The following GMIP variants were observed in gnomAD, a reference collection of about 807,000 sequenced individuals.
GMIP encodes the protein GEM-interacting protein.
In GMIP, 54 loss-of-function variants were observed where a neutral mutation model predicts 105.3. That is an observed-to-expected ratio of 0.51 (90% CI 0.41 to 0.64). GMIP has a LOEUF of 0.64. GMIP is among the 30% of genes least tolerant of loss of function. The pLI, the probability that GMIP is intolerant of heterozygous loss-of-function variation, is 0.00. For missense variants in GMIP, 1,110 were observed against 1,319.4 expected (o/e 0.84, Z 2.46); for synonymous variants, 541 against 560.8 (o/e 0.96, Z 0.50).
chr19:19,643,520 C>T lies in GMIP; in HGVS notation c.10G>A (p.Ala4Thr), dbSNP rs1390948756. MDAAEPGLPPGPEG... is the reference protein window; with the variant it reads MDATEPGLPPGPEG... ...ATCCCCGACCCCCTACCCGGCTCTG[C>T]TGCGTCCATATCTGGGCCCGGGGAT... Residue 4 changes from alanine (A) to threonine (T), a missense_variant, in exon 1 of 21, where the codon GCA becomes ACA. Coordinates refer to ENST00000203556, the MANE Select transcript of GMIP (RefSeq NM_016573.4). 1 of 1,548,596 alleles carries T rather than the reference C, an allele frequency of 6.5e-7. No individual in the cohort carries two copies. Among genetic ancestry groups the T allele is most frequent in the Non-Finnish European group, 8.7e-7 (1 of 1,145,788 alleles).
rs1568408546 is a variant in GMIP, at chr19:19,629,700, CCT to C, written c.*261_*262del. On this transcript the variant is annotated 3_prime_UTR_variant, in exon 21 of 21. Transcript: ENST00000203556. ...ACCTGCACTGACCCTGAGTATTGAC[CCT>C]GAGTGACCTCTGAGCCCGAGTGGCC... The C allele has an allele frequency of 1.9e-6, 1 of 516,876 alleles. No individual in the cohort carries two copies. Among genetic ancestry groups the C allele is most frequent in the Non-Finnish European group, 3.4e-6 (1 of 292,398 alleles). The allele number at this position is 516,876 out of a possible 1,614,324, so 32.0% of individuals were successfully genotyped here.
chr19:19,634,724 G>C lies in GMIP; in HGVS notation c.1888-21C>G. ...GTGAGCTGGGGGTGGAACGGAGGGC[G>C]CAACACGAGTGTGGGTGGGCTGTGG... is the stretch of plus-strand genomic sequence containing the variant. On this transcript the variant is annotated intron_variant, in intron 17 of 20. Transcript: ENST00000203556. This position sits in a 1 kb window ranked among gnomAD's most constrained non-coding sequence, Gnocchi z 6.1. 3 of 1,608,308 alleles carry C rather than the reference G, an allele frequency of 1.9e-6. No homozygotes were observed. The highest frequency in any genetic ancestry group is 1.7e-4 in the Middle Eastern group (1 of 6,032).
chr19:19,634,306 G>T lies in GMIP; in HGVS notation c.2085-116C>A. 2 of 1,170,608 alleles carry T rather than the reference G, an allele frequency of 1.7e-6. No individual in the cohort carries two copies. Among genetic ancestry groups the T allele is most frequent in the Non-Finnish European group, 2.4e-6 (2 of 846,000 alleles). 72.5% of individuals were successfully genotyped at this position (1,170,608 alleles called of 1,614,324 possible). On this transcript the variant is annotated intron_variant, in intron 18 of 20. Transcript: ENST00000203556. The surrounding 1 kb of genome is among the most constrained non-coding windows in gnomAD (Gnocchi z 6.1). Reference sequence around the variant, plus strand: ...TGACTTGCCCATGTCACAGGTGTAAGTCGTCTGAGACCAGCAGCCACATAT... The same window carrying T: ...TGACTTGCCCATGTCACAGGTGTAATTCGTCTGAGACCAGCAGCCACATAT...
intron 7 of GMIP, among the ~76,000 whole-genome samples, chr19:19,639,091 T>TA (rs1180527124): frequency 6.6e-6 from 1 of 151,162 alleles, no homozygotes; most frequent in Non-Finnish European, 1.5e-5. Flanking sequence ...AAAAAAAAAA[T>TA]AAATAAATAA....
intron 1 of GMIP, 38 bp from the exon 2 acceptor site, chr19:19,642,657 C>T: frequency 9.8e-7 from 1 of 1,021,212 alleles, no homozygotes; most frequent in Non-Finnish European, 1.5e-6. Flanking sequence ...CTAACCACTG[C>T]CTCCCTCCAC....
At position 19,630,090 on chromosome 19, in the gene GMIP, G is replaced by A. The variant is rs994295052; in HGVS notation, c.2786C>T (p.Pro929Leu). The A allele has an allele frequency of 1.9e-5, 30 of 1,610,776 alleles. No individual in the cohort carries two copies. Among genetic ancestry groups the A allele is most frequent in the African/African-American group, 2.7e-5 (2 of 74,888 alleles). ...SPEGSPLRRT[P>L]LPKHFEITQE... Reference sequence around the variant, plus strand: ...GGTAATCTCAAAATGCTTGGGCAGCGGGGTGCGGCGCAGGGGGCTGCCCTC... The same window carrying A: ...GGTAATCTCAAAATGCTTGGGCAGCAGGGTGCGGCGCAGGGGGCTGCCCTC... The change falls in exon 21 of 21, where the codon CCG becomes CTG. Residue 929 changes from proline (P) to leucine (L), a missense_variant. Physicochemically the swap from Pro to Leu is moderately conservative, Grantham distance 98 (BLOSUM62 -3). Around this residue, in one of 3 missense-constraint regions of GMIP, gnomAD observed 394 missense variants for 450.5 expected, o/e 0.87. Transcript: ENST00000203556. This position sits in a 1 kb window ranked among gnomAD's most constrained non-coding sequence, Gnocchi z 4.8.
chr19:19,630,441 A>G lies in GMIP; in HGVS notation c.2539+30T>C, dbSNP rs2144831166. On this transcript the variant is annotated intron_variant, in intron 20 of 20. Transcript: ENST00000203556. The surrounding 1 kb of genome is among the most constrained non-coding windows in gnomAD (Gnocchi z 4.8). ...CACCCTGGGGCCAGGGCACCCCCAGAACTCCTGAGCCTCTCTCTAACATAC... is the reference window on the plus strand; with the variant it reads ...CACCCTGGGGCCAGGGCACCCCCAGGACTCCTGAGCCTCTCTCTAACATAC... The G allele has an allele frequency of 6.2e-7, 1 of 1,611,582 alleles. No individual in the cohort carries two copies. The highest frequency in any genetic ancestry group is 1.1e-5 in the South Asian group (1 of 90,878).
chr19:19,636,955 C>G lies in GMIP; in HGVS notation c.1199G>C (p.Gly400Ala), dbSNP rs376317252. The G allele has an allele frequency of 6.4e-5, 102 of 1,583,758 alleles. No individual in the cohort carries two copies. The highest frequency in any genetic ancestry group is 7.2e-5 in the Non-Finnish European group (84 of 1,164,278). Residue 400 changes from glycine to alanine, a missense_variant, in exon 12 of 21, where the codon GGC becomes GCC. Gly to Ala is a moderately conservative substitution (Grantham distance 60, BLOSUM62 0). This residue lies in a region of GMIP where 667 missense variants were observed against 773.2 expected (regional missense o/e 0.86). Coordinates refer to ENST00000203556, the MANE Select transcript of GMIP (RefSeq NM_016573.4). ...GCCTGTGCCCGGATCCTCCCAAGGG[C>G]CTGGCTCAGCTGAATTCTCATCCAG... is the stretch of plus-strand genomic sequence containing the variant. ...PRLDENSAEP[G>A]PWEDPGTGWR...
At chr19:19,641,924 A>G in intron 3 of GMIP, 52 bp downstream of exon 3, 1 of 1,592,896 alleles carries the variant, frequency 6.3e-7, no homozygotes, top group African/African-American at 1.3e-5. Flanking sequence ...TGGCCTTCCT[A>G]AGGCCCCCTC....
At chr19:19,639,036 T>C (rs1366743621) in intron 7 of GMIP, among the ~76,000 whole-genome samples, 3 of 151,428 alleles carry the variant, frequency 2.0e-5, no homozygotes, top group South Asian at 2.1e-4. Flanking sequence ...GCTGAGATCA[T>C]GCCACTGCAC....
At chr19:19,642,440 T>C in intron 2 of GMIP, 95 bp downstream of exon 2, 3 of 749,980 alleles carry the variant, frequency 4.0e-6, no homozygotes, top group South Asian at 3.0e-5. Flanking sequence ...TAGGTCCAGA[T>C]GTTACAGGTT....
chr19:19,641,866 G>A lies in GMIP; in HGVS notation c.182C>T (p.Thr61Ile). The change falls in exon 4 of 21, where the codon ACC becomes ATC. Residue 61 changes from threonine (T) to isoleucine (I), a missense_variant and splice_region_variant. By Grantham distance (89) the Thr-to-Ile change is moderately conservative. This residue lies in a region of GMIP where 667 missense variants were observed against 773.2 expected (regional missense o/e 0.86). Coordinates refer to ENST00000203556, the MANE Select transcript of GMIP (RefSeq NM_016573.4). ...GCCGCTCCAACAGCTGGCTTCGTTGGTCTGTGCGGGAGGGAGACAGTATTC... is the reference window on the plus strand; with the variant it reads ...GCCGCTCCAACAGCTGGCTTCGTTGATCTGTGCGGGAGGGAGACAGTATTC... ...EPDKTPTATV[T>I]NEASCWSGPS... 6.2e-7 allele frequency: 1 copy of A among 1,613,418 alleles called. No individual in the cohort carries two copies. Among genetic ancestry groups the A allele is most frequent in the Non-Finnish European group, 8.5e-7 (1 of 1,179,784 alleles).
In GMIP at chr19:19,637,053, T is replaced by C. The variant is rs2061862699; in HGVS notation, c.1125-24A>G. ...AGCTGAGAAGACAGAAGTTTGAAGG[T>C]TTGAATCCCAGGAAACTGGCCTGGG... On this transcript the variant is annotated intron_variant, in intron 11 of 20. Transcript: ENST00000203556. This position sits in a 1 kb window ranked among gnomAD's most constrained non-coding sequence, Gnocchi z 6.7. The C allele has an allele frequency of 2.0e-6, 3 of 1,491,896 alleles. No homozygotes were observed. In the Admixed American group the frequency reaches 5.9e-5, roughly 29 times the overall value. 92.4% of individuals were successfully genotyped at this position (1,491,896 alleles called of 1,614,324 possible). A position where few individuals can be genotyped will look rare whatever the true frequency, so the allele number is the denominator to read the frequency against.
intron 2 of GMIP, 28 bp downstream of exon 2, chr19:19,642,507 T>C (rs1406071151): frequency 8.2e-6 from 12 of 1,470,322 alleles, no homozygotes; most frequent in Non-Finnish European, 1.1e-5. Flanking sequence ...CTTGGCAGGA[T>C]TTGGGGGTGA....
chr19:19,633,127 C>T (rs554609356), intron 19 of GMIP, among the ~76,000 whole-genome samples: 7 of 151,070 alleles, frequency 4.6e-5, no homozygotes, highest in African/African-American at 1.2e-4. Flanking sequence ...GGCATGCTCT[C>T]GGCTCACTAA....
In GMIP at chr19:19,629,964, C is replaced by T; in HGVS notation, c.2912G>A (p.Ter971=). ...TCCTTATTTAAGGTGCCAGGGTGGTCAGAGATGGTCCTCGGCTTCCTCAGG... is the reference window on the plus strand; with the variant it reads ...TCCTTATTTAAGGTGCCAGGGTGGTTAGAGATGGTCCTCGGCTTCCTCAGG... ...VQPEEAEDHL[*] is the part of the protein sequence containing the mutation. Residue 971 remains the stop codon, a stop_retained_variant, in exon 21 of 21, where the codon TGA becomes TAA. Coordinates refer to ENST00000203556, the MANE Select transcript of GMIP (RefSeq NM_016573.4). 1 of 1,607,582 alleles carries T rather than the reference C, an allele frequency of 6.2e-7. No individual in the cohort carries two copies.
intron 19 of GMIP, among the ~76,000 whole-genome samples, chr19:19,632,321 C>T (rs909086224): frequency 1.8e-4 from 27 of 151,734 alleles, no homozygotes; most frequent in African/African-American, 6.3e-4. Flanking sequence ...CAACTGCGGC[C>T]GGGTGTGGTG....
chr19:19,633,712 A>C, intron 19 of GMIP, 91 bp downstream of exon 19: 1 of 1,011,988 alleles, frequency 9.9e-7, no homozygotes, highest in Non-Finnish European at 1.4e-6. Context: ...AATGAAGGAA[A>C]TTTTAAAAAG....
rs755878066 is a variant in GMIP at position 19,637,944 on chromosome 19, A to G, written c.903T>C (p.Phe301=). The change falls in exon 10 of 21, where the codon TTT becomes TTC. Residue 301 remains phenylalanine, a synonymous_variant. Transcript: ENST00000203556. This position sits in a 1 kb window ranked among gnomAD's most constrained non-coding sequence, Gnocchi z 6.7. The part of the protein sequence containing the change: ...RIVSHVRKLV[F]QGDEVLRRVT... ...CCCGCCTCAGCACTTCATCCCCCTG[A>G]AACACCAGCTTGCGCACGTGCGACA... 6.2e-7 allele frequency: 1 copy of G among 1,609,374 alleles called. No individual in the cohort carries two copies. The highest frequency in any genetic ancestry group is 8.5e-7 in the Non-Finnish European group (1 of 1,178,576).
Sources: gnomAD v4.1 joint callset for allele counts (sites outside exome capture counted in the v4.1 genomes callset) on GRCh38, gnomAD v4.1.1 for gene constraint, gnomAD v4.1.1 regional missense constraint, Gnocchi (gnomAD v3.1) non-coding constraint, MANE v1.5 for transcripts, NCBI Gene and HGNC (gene_info 2026-07-23, HGNC 2026-07-21) for gene names.